The following TXNDC16 variants were observed in gnomAD, a reference collection of about 807,000 sequenced individuals.
TXNDC16 encodes thioredoxin domain-containing protein 16.
A neutral mutation model predicts 85.6 loss-of-function variants in TXNDC16; 74 were observed. That is an observed-to-expected ratio of 0.86 (90% confidence interval 0.72 to 1.05). The LOEUF is 1.05. TXNDC16 is among the 50% of genes least tolerant of loss of function. The probability of loss-of-function intolerance (pLI) is 0.00; values close to 1 mark genes in which losing one functional copy is unlikely to be tolerated. For missense variants in TXNDC16, 959 were observed against 947.0 expected (o/e 1.01, Z -0.17); for synonymous variants, 335 against 326.5 (o/e 1.03, Z -0.28).
Position 52,455,373 on chromosome 14 carries a change from T to C in TXNDC16, c.1793A>G (p.His598Arg), listed in dbSNP as rs1313363042. The change falls in exon 18 of 21, where the codon CAT (histidine) becomes CGT (arginine). Residue 598 changes from histidine to arginine, a missense_variant. By Grantham distance (29) the His-to-Arg change is conservative. Transcript: ENST00000281741. ...TATTATTTGAACTATGTCTTGTGCA[T>C]GTGTGCTAGCTAGTGGGATGCTCTC... ...KIESIPLAST[H>R]AQDIVQIITD... 1.1e-5 allele frequency: 18 copies of C among 1,614,028 alleles called. No individual in the cohort carries two copies. The highest frequency in any genetic ancestry group is 1.2e-5 in the Non-Finnish European group (14 of 1,179,908).
chr14:52,506,572 C>T (rs571385367), intron 9 of TXNDC16, among the ~76,000 whole-genome samples: 10 of 97,830 alleles, frequency 1.0e-4, no homozygotes, highest in East Asian at 8.4e-4. Context: ...TTTTTTGAGA[C>T]GGAGTCTCGC....
chr14:52,534,282 C>A (rs971586981), intron 6 of TXNDC16, among the ~76,000 whole-genome samples: 5 of 152,156 alleles, frequency 3.3e-5, no homozygotes, highest in Non-Finnish European at 7.4e-5. Flanking sequence ...CTTCTCCCAA[C>A]TACTTCTAAC....
intron 6 of TXNDC16, among the ~76,000 whole-genome samples, chr14:52,523,896 T>C (rs1402852987): frequency 1.3e-5 from 2 of 152,248 alleles, no homozygotes; most frequent in Non-Finnish European, 2.9e-5. Context: ...ATATATGTCA[T>C]GTACCACATA....
chr14:52,464,450 ATTC>A (rs2035725060), intron 16 of TXNDC16, among the ~76,000 whole-genome samples: 1 of 152,150 alleles, frequency 6.6e-6, no homozygotes, highest in Non-Finnish European at 1.5e-5. Context: ...GAAGACTTAA[ATTC>A]TTCTTGGAAG....
intron 9 of TXNDC16, among the ~76,000 whole-genome samples, chr14:52,507,796 A>G (rs2036848177): frequency 6.6e-6 from 1 of 152,250 alleles, no homozygotes; most frequent in African/African-American, 2.4e-5. Flanking sequence ...CAAATGTGAC[A>G]AAAACAAGAA....
In TXNDC16 at chr14:52,514,763, T is replaced by C. The variant is rs940312641; in HGVS notation, c.605+117A>G. 7 of 694,900 alleles carry C rather than the reference T, an allele frequency of 1.0e-5. No individual in the cohort carries two copies. In the African/African-American group the frequency reaches 1.1e-4, roughly 11 times the overall value. 43.0% of individuals were successfully genotyped at this position (694,900 alleles called of 1,614,324 possible). A position where few individuals can be genotyped will look rare whatever the true frequency, so the allele number is the denominator to read the frequency against. ...TTCATTTATATATTCACATCTGCTATGGTTCCTTTATCTAAGCCCATGCTG... is the reference window on the plus strand; with the variant it reads ...TTCATTTATATATTCACATCTGCTACGGTTCCTTTATCTAAGCCCATGCTG... On this transcript the variant is annotated intron_variant, in intron 8 of 20. Transcript: ENST00000281741.
intron 6 of TXNDC16, among the ~76,000 whole-genome samples, chr14:52,536,035 CAAAAACAAAAA>C (rs1016289008): frequency 3.3e-5 from 5 of 150,402 alleles, no homozygotes; most frequent in Non-Finnish European, 5.9e-5. Flanking sequence ...AAACAAAAAA[CAAAAACAAAAA>C]AAAAACAAAG....
intron 9 of TXNDC16, among the ~76,000 whole-genome samples, chr14:52,494,740 C>T (rs570727016): frequency 6.6e-6 from 1 of 152,272 alleles, no homozygotes; most frequent in Admixed American, 6.5e-5. Flanking sequence ...CTCATGATCA[C>T]ATATATATTT....
chr14:52,439,133 C>G (rs2035103813), intron 20 of TXNDC16, 71 bp downstream of exon 20: 3 of 1,413,252 alleles, frequency 2.1e-6, no homozygotes, highest in Non-Finnish European at 2.9e-6. Flanking sequence ...CATTCTTTAG[C>G]TATATTTAGA....
chr14:52,493,166 A>G (rs2036446990), intron 9 of TXNDC16, among the ~76,000 whole-genome samples: 1 of 146,858 alleles, frequency 6.8e-6, no homozygotes, highest in Non-Finnish European at 1.5e-5. Context: ...TTAGAGAAGA[A>G]ATAAAATGTG....
At chr14:52,517,568 G>C (rs2037113506) in intron 7 of TXNDC16, among the ~76,000 whole-genome samples, 1 of 151,962 alleles carries the variant, frequency 6.6e-6, no homozygotes, top group African/African-American at 2.4e-5. Flanking sequence ...CCACTTGGCT[G>C]AATGGATGTC....
At chr14:52,508,324 A>G (rs575645091) in intron 9 of TXNDC16, among the ~76,000 whole-genome samples, 1 of 152,244 alleles carries the variant, frequency 6.6e-6, no homozygotes, top group East Asian at 1.9e-4. Flanking sequence ...AATGCTCACC[A>G]TCACTGGCCA....
intron 10 of TXNDC16, 115 bp from the exon 11 acceptor site, chr14:52,490,566 T>A: frequency 1.1e-6 from 1 of 878,844 alleles, no homozygotes; most frequent in Non-Finnish European, 1.6e-6. Context: ...GAAAAAATAT[T>A]ACAATTTAGT....
Position 52,469,697 on chromosome 14 carries a change from C to T in TXNDC16, c.1618+340G>A, listed in dbSNP as rs565296020. Among the ~76,000 whole-genome samples the T allele has an allele frequency of 2.6e-5, 4 of 152,208 alleles. No individual in the cohort carries two copies. In the South Asian group the frequency reaches 6.2e-4, roughly 24 times the overall value. On this transcript the variant is annotated intron_variant, in intron 16 of 20. Coordinates refer to ENST00000281741, the MANE Select transcript of TXNDC16 (RefSeq NM_020784.3). ...GGCAGAGGTTGCAGTGAGCCGACATCACGCCACTGCACTCCAGCTTGGTGA... is the reference window on the plus strand; with the variant it reads ...GGCAGAGGTTGCAGTGAGCCGACATTACGCCACTGCACTCCAGCTTGGTGA...
chr14:52,459,774 A>G (rs1161796048), intron 16 of TXNDC16, among the ~76,000 whole-genome samples: 1 of 152,240 alleles, frequency 6.6e-6, no homozygotes, highest in Admixed American at 6.5e-5. Flanking sequence ...ATGCAAATCA[A>G]TAAATGTGAT....
chr14:52,454,194 G>T (rs1451859834), intron 18 of TXNDC16, among the ~76,000 whole-genome samples: 1 of 152,118 alleles, frequency 6.6e-6, no homozygotes, highest in African/African-American at 2.4e-5. Context: ...GGGAGGCCAA[G>T]GCAGGAGGAT....
intron 9 of TXNDC16, among the ~76,000 whole-genome samples, chr14:52,495,111 C>T (rs1299329341): frequency 6.6e-6 from 1 of 152,170 alleles, no homozygotes; most frequent in Non-Finnish European, 1.5e-5. Context: ...TACCCTAAAA[C>T]CTGGTACCTT....
chr14:52,538,311 G>A (rs917194078), intron 4 of TXNDC16, among the ~76,000 whole-genome samples: 7 of 152,174 alleles, frequency 4.6e-5, no homozygotes, highest in Non-Finnish European at 1.0e-4. Flanking sequence ...GAAGCTACTT[G>A]CAAAGAATGG....
chr14:52,505,558 T>C (rs1189390000), intron 9 of TXNDC16, among the ~76,000 whole-genome samples: 1 of 152,194 alleles, frequency 6.6e-6, no homozygotes, highest in Non-Finnish European at 1.5e-5. Context: ...TGGGACACAT[T>C]CAAAGCAGTG....
Sources: gnomAD v4.1 joint callset for allele counts (sites outside exome capture counted in the v4.1 genomes callset) on GRCh38, gnomAD v4.1.1 for gene constraint, MANE v1.5 for transcripts, NCBI Gene and HGNC (gene_info 2026-07-23, HGNC 2026-07-21) for gene names.